The following DLGAP2 variants were observed in gnomAD, a reference collection of about 807,000 sequenced individuals.
The protein encoded by DLGAP2 is disks large-associated protein 2.
Under a neutral mutation model 100.3 loss-of-function variants are expected in DLGAP2, and 26 were observed. The observed-to-expected ratio is 0.26, with a 90% CI of 0.19 to 0.36. The LOEUF (loss-of-function observed/expected upper bound fraction) is 0.36, where lower values mean the gene tolerates loss of function less well. Among genes scored for constraint, DLGAP2 ranks in the 10% least tolerant of loss-of-function variants. The pLI is 1.00. For synonymous variants in DLGAP2, 886 were observed against 630.1 expected (o/e 1.41, Z -6.08); for missense variants, 1,858 against 1,453.2 (o/e 1.28, Z -4.53).
rs905422937 is a variant in DLGAP2, at chr8:1,163,683, A to G, written c.74-95168A>G. 1.1e-4 allele frequency among the ~76,000 whole-genome samples: 17 copies of G among 152,260 alleles called. No individual in the cohort carries two copies. The East Asian group carries it at 2.9e-3, about 26-fold the overall frequency. ...GGGCCGGGGATCGAGAAAACGCTTC[A>G]GGAGCTGCTTGTAATGACTGGGCAC... On this transcript the variant is annotated intron_variant, in intron 2 of 14. Coordinates refer to ENST00000637795, the MANE Select transcript of DLGAP2 (RefSeq NM_001346810.2).
Position 1,093,598 on chromosome 8 carries a change from C to T in DLGAP2, c.74-165253C>T, listed in dbSNP as rs559419951. The stretch of plus-strand genomic sequence containing the variant: ...CCAGACAGAAACACCTTCACACTGA[C>T]AGACAGAAACACCTTCACACCGACA... On this transcript the variant is annotated intron_variant, in intron 2 of 14. Transcript: ENST00000637795. Among the ~76,000 whole-genome samples, 6 of 152,048 alleles carry T rather than the reference C, an allele frequency of 3.9e-5. No individual in the cohort carries two copies. In the East Asian group the frequency reaches 1.2e-3, roughly 30 times the overall value.
chr8:927,868 CA>C, intron 2 of DLGAP2, among the ~76,000 whole-genome samples: 1 of 152,230 alleles, frequency 6.6e-6, no homozygotes, highest in East Asian at 1.9e-4. Flanking sequence ...AAAAAACAAA[CA>C]AAAAAACCCC....
intron 1 of DLGAP2, among the ~76,000 whole-genome samples, chr8:746,568 C>A (rs1430824988): frequency 3.3e-5 from 5 of 152,250 alleles, no homozygotes; most frequent in Non-Finnish European, 7.3e-5. Flanking sequence ...AGTGTCCCTG[C>A]ACCTGACACC....
intron 1 of DLGAP2, chr8:740,465 C>G: frequency 6.6e-6 from 1 of 152,142 alleles, no homozygotes; most frequent in East Asian, 1.9e-4. Flanking sequence ...TTATTTCTCC[C>G]CAGTGACATA....
intron 2 of DLGAP2, among the ~76,000 whole-genome samples, chr8:1,159,959 A>T (rs1585110720): frequency 6.6e-6 from 1 of 152,114 alleles, no homozygotes; most frequent in East Asian, 1.9e-4. Flanking sequence ...AATAAGCATC[A>T]CCTGAAAGGT....
chr8:981,868 C>T (rs181691668), intron 2 of DLGAP2, among the ~76,000 whole-genome samples: 23 of 152,346 alleles, frequency 1.5e-4, no homozygotes, highest in African/African-American at 5.1e-4. Flanking sequence ...TATGAATCCT[C>T]TTTCCACAAA....
intron 2 of DLGAP2, among the ~76,000 whole-genome samples, chr8:1,055,441 T>G (rs1802851126): frequency 6.6e-6 from 1 of 152,238 alleles, no homozygotes; most frequent in African/African-American, 2.4e-5. Flanking sequence ...TCCTTACCTA[T>G]GAATGTGTTA....
Position 1,343,988 on chromosome 8 carries a change from T to C in DLGAP2, c.106+85105T>C, listed in dbSNP as rs528762280. The stretch of plus-strand genomic sequence containing the variant: ...AGAAACATGGCGGACAGAGGAGACC[T>C]GCATTTACCAACGTCCTATTCACAG... On this transcript the variant is annotated intron_variant, in intron 3 of 14. Transcript: ENST00000637795. 9.8e-5 allele frequency among the ~76,000 whole-genome samples: 15 copies of C among 152,296 alleles called. No individual in the cohort carries two copies. The East Asian group carries it at 2.7e-3, about 27-fold the overall frequency.
At chr8:1,160,242 G>A (rs1476918797) in intron 2 of DLGAP2, among the ~76,000 whole-genome samples, 3 of 152,186 alleles carry the variant, frequency 2.0e-5, no homozygotes, top group Non-Finnish European at 4.4e-5. Context: ...TCAGCTGGGT[G>A]GGGACCTAGG....
chr8:792,223 T>G (rs575263064), intron 1 of DLGAP2, among the ~76,000 whole-genome samples: 1 of 152,260 alleles, frequency 6.6e-6, no homozygotes, highest in Non-Finnish European at 1.5e-5. Flanking sequence ...AAATCACCTT[T>G]CCATATTCTT....
At chr8:1,443,255 A>G (rs1563152708) in intron 3 of DLGAP2, among the ~76,000 whole-genome samples, 1 of 151,596 alleles carries the variant, frequency 6.6e-6, no homozygotes. Context: ...ATCGCAGGTA[A>G]CATTTGGATG....
intron 2 of DLGAP2, among the ~76,000 whole-genome samples, chr8:1,234,313 C>G (rs986947548): frequency 6.6e-6 from 1 of 152,170 alleles, no homozygotes; most frequent in African/African-American, 2.4e-5. Flanking sequence ...TGTCTGCAGG[C>G]TGCTTTCTTC....
chr8:1,132,001 T>A (rs1156647897), intron 2 of DLGAP2, among the ~76,000 whole-genome samples: 1 of 152,220 alleles, frequency 6.6e-6, no homozygotes, highest in African/African-American at 2.4e-5. Context: ...TGTGAAAGAT[T>A]ACAGGTTGCA....
At chr8:1,139,338 G>A (rs1006757151) in intron 2 of DLGAP2, among the ~76,000 whole-genome samples, 1 of 152,352 alleles carries the variant, frequency 6.6e-6, no homozygotes, top group South Asian at 2.1e-4. Context: ...AATACCATAG[G>A]CTGGGCAGCC....
intron 4 of DLGAP2, among the ~76,000 whole-genome samples, chr8:1,509,865 G>T (rs1584968714): frequency 6.6e-6 from 1 of 152,194 alleles, no homozygotes; most frequent in African/African-American, 2.4e-5. Flanking sequence ...CTGTGACCAG[G>T]TAACCCAGCA....
At chr8:1,096,008 A>G (rs1385128509) in intron 2 of DLGAP2, among the ~76,000 whole-genome samples, 4 of 152,228 alleles carry the variant, frequency 2.6e-5, no homozygotes, top group African/African-American at 7.2e-5. Context: ...TAAGGAATCA[A>G]GATCTACATG....
chr8:1,413,629 A>G (rs1796795020), intron 3 of DLGAP2, among the ~76,000 whole-genome samples: 1 of 152,260 alleles, frequency 6.6e-6, no homozygotes, highest in Non-Finnish European at 1.5e-5. Flanking sequence ...ATGGAGGAAT[A>G]ATATGAAAGG....
chr8:1,255,985 T>TGC, intron 2 of DLGAP2, among the ~76,000 whole-genome samples: 1 of 128,922 alleles, frequency 7.8e-6, no homozygotes, highest in Admixed American at 7.7e-5. Flanking sequence ...GTGGGTGCTG[T>TGC]GTGTGTCCTC....
chr8:1,126,103 T>G (rs187629119), intron 2 of DLGAP2, among the ~76,000 whole-genome samples: 1 of 152,326 alleles, frequency 6.6e-6, no homozygotes, highest in Admixed American at 6.5e-5. Flanking sequence ...AAAATCCCAG[T>G]GTCTGATGGC....
Sources: allele counts gnomAD v4.1 joint callset (sites outside exome capture counted in the v4.1 genomes callset), GRCh38; gene constraint gnomAD v4.1.1; transcripts MANE v1.5; gene names NCBI Gene and HGNC (gene_info 2026-07-23, HGNC 2026-07-21).